HTR2C: variants seen among roughly 807,000 people sequenced by gnomAD.
HTR2C encodes the protein 5-hydroxytryptamine (serotonin) receptor 2C, G protein-coupled.
HTR2C carries 5 observed loss-of-function variants against 21.0 expected under a neutral mutation model. That is an observed-to-expected ratio of 0.24 (90% CI 0.12 to 0.50). HTR2C has a LOEUF of 0.50. Among genes scored for constraint, HTR2C ranks in the 20% least tolerant of loss-of-function variants. HTR2C has a pLI of 0.98. For missense variants in HTR2C, 271 were observed against 371.2 expected, an observed-to-expected ratio of 0.73 and a Z score of 2.22; for synonymous variants, 150 against 145.3, an observed-to-expected ratio of 1.03 and a Z score of -0.23.
chrX:114,782,257 AC>A (rs782286037), intron 4 of HTR2C, among the ~76,000 whole-genome samples: 1 of 111,441 alleles, frequency 9.0e-6, no homozygotes, highest in South Asian at 3.8e-4. Context: ...AAACAGAGGA[AC>A]TTTCTAACCA....
At chrX:114,708,931 A>G (rs1309527619) in intron 2 of HTR2C, among the ~76,000 whole-genome samples, 5 of 112,043 alleles carry the variant, frequency 4.5e-5, no homozygotes, top group Non-Finnish European at 7.5e-5. Flanking sequence ...AGTTGAATAC[A>G]TTATTGCTTC....
chrX:114,747,289 T>C (rs1420092625), intron 4 of HTR2C, among the ~76,000 whole-genome samples: 1 of 112,382 alleles, frequency 8.9e-6, no homozygotes, highest in Non-Finnish European at 1.9e-5. Context: ...TACTTTATGG[T>C]GAAAGATTGA....
At chrX:114,675,868 C>CTTTTTTTTT (rs1556412476) in intron 2 of HTR2C, among the ~76,000 whole-genome samples, 2 of 94,302 alleles carry the variant, frequency 2.1e-5, no homozygotes, top group Non-Finnish European at 4.2e-5. Context: ...TTTCTTTTTT[C>CTTTTTTTTT]TTTTTTCTTT....
At chrX:114,867,432 A>G (rs150563684) in intron 5 of HTR2C, among the ~76,000 whole-genome samples, 33 of 110,953 alleles carry the variant, frequency 3.0e-4, no homozygotes, top group African/African-American at 1.1e-3. Context: ...GTAGTTTGCA[A>G]ATATTTTCTC....
intron 5 of HTR2C, among the ~76,000 whole-genome samples, chrX:114,886,549 T>C (rs1367164165): frequency 9.0e-6 from 1 of 110,931 alleles, no homozygotes; most frequent in Non-Finnish European, 1.9e-5. Flanking sequence ...ATATATCTTA[T>C]CAGAATCAGC....
At chrX:114,769,703 C>T (rs138399331) in intron 4 of HTR2C, among the ~76,000 whole-genome samples, 3,065 of 111,136 alleles carry the variant, frequency 0.028, 39 homozygotes, top group Non-Finnish European at 0.043. Flanking sequence ...TCCATTTCTT[C>T]CCCCTTCTTT....
chrX:114,660,515 C>T (rs1003357292), intron 2 of HTR2C, among the ~76,000 whole-genome samples: 79 of 112,201 alleles, frequency 7.0e-4, no homozygotes, highest in African/African-American at 2.4e-3. Flanking sequence ...AGAAAATTTG[C>T]GTTTACACGA....
chrX:114,856,139 C>T (rs782085590), intron 5 of HTR2C, among the ~76,000 whole-genome samples: 1 of 109,484 alleles, frequency 9.1e-6, no homozygotes, highest in South Asian at 3.9e-4. Flanking sequence ...GATACAAAAT[C>T]AATGTACAAA....
chrX:114,872,537 C>T (rs1556476868), intron 5 of HTR2C, among the ~76,000 whole-genome samples: 2 of 109,765 alleles, frequency 1.8e-5, no homozygotes, highest in East Asian at 2.9e-4. Flanking sequence ...TTTCAAAAAT[C>T]CCTCGTGATT....
chrX:114,776,817 C>T (rs1239630958), intron 4 of HTR2C: 2 of 239,257 alleles, frequency 8.4e-6, no homozygotes, highest in African/African-American at 5.9e-5. Context: ...CAAAGAAAGA[C>T]ACAGAAACCT....
chrX:114,641,318 T>C (rs1275998310), intron 2 of HTR2C, among the ~76,000 whole-genome samples: 1 of 111,673 alleles, frequency 9.0e-6, no homozygotes, highest in Non-Finnish European at 1.9e-5. Context: ...AAAACTGTTT[T>C]CTGCTTTTGC....
At chrX:114,599,339 C>A (rs1339352869) in intron 1 of HTR2C, among the ~76,000 whole-genome samples, 1 of 111,592 alleles carries the variant, frequency 9.0e-6, no homozygotes, top group East Asian at 2.8e-4. Context: ...GTTAACAGGC[C>A]ATGTGCTCTT....
At chrX:114,862,757 T>C (rs2071016083) in intron 5 of HTR2C, among the ~76,000 whole-genome samples, 1 of 111,243 alleles carries the variant, frequency 9.0e-6, no homozygotes, top group Non-Finnish European at 1.9e-5. Context: ...ATATTTGTTT[T>C]GGCGACGTTA....
At chrX:114,612,127 AAAT>A (rs782604921) in intron 1 of HTR2C, among the ~76,000 whole-genome samples, 15 of 112,295 alleles carry the variant, frequency 1.3e-4, no homozygotes, top group Admixed American at 7.6e-4. Context: ...TAGTCACATT[AAAT>A]TATTTAAATG....
intron 5 of HTR2C, among the ~76,000 whole-genome samples, chrX:114,850,426 A>T (rs1454383159): frequency 9.0e-6 from 1 of 111,077 alleles, no homozygotes; most frequent in African/African-American, 3.3e-5. Flanking sequence ...AAAAAAATTA[A>T]TTAATTAAAA....
At chrX:114,764,925 T>TTCTTTTCC (rs1382718411) in intron 4 of HTR2C, among the ~76,000 whole-genome samples, 2 of 46,216 alleles carry the variant, frequency 4.3e-5, no homozygotes, top group African/African-American at 1.7e-4. Context: ...CTTTCTTTCT[T>TTCTTTTCC]TTCCTTCCTT....
Position 114,673,710 on chromosome X carries a change from T to C in HTR2C, c.-79-53148T>C, listed in dbSNP as rs373449740. On this transcript the variant is annotated intron_variant, in intron 2 of 5. Coordinates refer to ENST00000276198, the MANE Select transcript of HTR2C (RefSeq NM_000868.4). Reference sequence around the variant, plus strand: ...ATGTATGAGATTGACAGTAGTTATATATGGGGGTTAGCATCACCTGGAACT... The same window carrying C: ...ATGTATGAGATTGACAGTAGTTATACATGGGGGTTAGCATCACCTGGAACT... Among the ~76,000 whole-genome samples, 8 of 111,482 alleles carry C rather than the reference T, an allele frequency of 7.2e-5. No individual in the cohort carries two copies. The East Asian group carries it at 1.7e-3, about 24-fold the overall frequency.
chrX:114,729,775 A>G (rs887439320), intron 3 of HTR2C, among the ~76,000 whole-genome samples: 4 of 111,664 alleles, frequency 3.6e-5, no homozygotes, highest in Non-Finnish European at 3.8e-5. Context: ...TTCAAAGAAC[A>G]AGTGACTGGG....
At chrX:114,619,409 C>A (rs1476099955) in intron 2 of HTR2C, among the ~76,000 whole-genome samples, 2 of 111,589 alleles carry the variant, frequency 1.8e-5, no homozygotes, top group African/African-American at 6.5e-5. Context: ...ATACCAAAAT[C>A]TTTATCATGG....
Sources: gnomAD v4.1 joint callset for allele counts (sites outside exome capture counted in the v4.1 genomes callset) on GRCh38, gnomAD v4.1.1 for gene constraint, MANE v1.5 for transcripts, NCBI Gene and HGNC (gene_info 2026-07-23, HGNC 2026-07-21) for gene names.